The following ELL2 variants were observed in gnomAD, a reference collection of about 807,000 sequenced individuals.
ELL2 encodes RNA polymerase II elongation factor ELL2.
A neutral mutation model predicts 72.8 loss-of-function variants in ELL2; 21 were observed. The ratio of observed to expected loss-of-function variants is 0.29; its 90% CI spans 0.20 to 0.42. ELL2 has a LOEUF of 0.42. ELL2 is among the 10% of genes least tolerant of loss of function. The pLI is 1.00. For missense variants in ELL2, 568 were observed against 772.8 expected, an observed-to-expected ratio of 0.73 and a Z score of 3.14; for synonymous variants, 266 against 283.2, an observed-to-expected ratio of 0.94 and a Z score of 0.61.
intron 4 of ELL2, among the ~76,000 whole-genome samples, chr5:95,908,333 A>G (rs1364329298): frequency 6.6e-6 from 1 of 152,188 alleles, no homozygotes; most frequent in Non-Finnish European, 1.5e-5. Flanking sequence ...TTTTAATGGG[A>G]TATGCTCAAA....
chr5:95,913,760 T>C lies in ELL2; in HGVS notation c.481+11A>G, dbSNP rs373653146. 4 of 1,583,030 alleles carry C rather than the reference T, an allele frequency of 2.5e-6. No homozygotes were observed. Among genetic ancestry groups the C allele is most frequent in the Non-Finnish European group, 3.4e-6 (4 of 1,167,314 alleles). ...TCAATCAGCAAGAGGAAGAAAGATA[T>C]CTATACAAACCTACATATGGTCCAC... On this transcript the variant is annotated intron_variant, in intron 4 of 11. Transcript: ENST00000237853.
In ELL2 at chr5:95,961,668, C is replaced by G; in HGVS notation, c.54G>C (p.Ser18=). The stretch of plus-strand genomic sequence containing the variant: ...TGTTGTCCTGCCCCAGCCGTCCGCA[C>G]GACAGCCCATAGCGCTGCTCCTCCC... ...GLREEQRYGL[S]CGRLGQDNIT... is the part of the protein sequence containing the mutation. Residue 18 remains serine, a synonymous_variant, in exon 1 of 12, where the codon TCG becomes TCC. Coordinates refer to ENST00000237853, the MANE Select transcript of ELL2 (RefSeq NM_012081.6). 6.2e-7 allele frequency: 1 copy of G among 1,609,144 alleles called. No individual in the cohort carries two copies. The highest frequency in any genetic ancestry group is 1.7e-5 in the Admixed American group (1 of 59,764).
At chr5:95,893,195 G>T (rs1209317433) in intron 9 of ELL2, among the ~76,000 whole-genome samples, 5 of 152,086 alleles carry the variant, frequency 3.3e-5, no homozygotes, top group Non-Finnish European at 7.3e-5. Context: ...TGGTTACACT[G>T]GCATTTTTAA....
intron 1 of ELL2, among the ~76,000 whole-genome samples, chr5:95,957,110 C>T (rs1411185042): frequency 6.6e-6 from 1 of 152,180 alleles, no homozygotes; most frequent in Non-Finnish European, 1.5e-5. Flanking sequence ...TGAGCCACCA[C>T]CTTTGAAACT....
At chr5:95,931,973 G>A (rs1750617382) in intron 2 of ELL2, among the ~76,000 whole-genome samples, 2 of 135,228 alleles carry the variant, frequency 1.5e-5, no homozygotes, top group African/African-American at 3.0e-5. Context: ...AAAGTCTGTG[G>A]GGGTGTTTTT....
chr5:95,928,743 T>C (rs2112328751), intron 2 of ELL2, among the ~76,000 whole-genome samples: 1 of 152,354 alleles, frequency 6.6e-6, no homozygotes. Context: ...CATCTAATCA[T>C]TCAGCTGCCA....
intron 7 of ELL2, among the ~76,000 whole-genome samples, 173 bp from the exon 8 acceptor site, chr5:95,898,983 C>T (rs1749013779): frequency 6.7e-6 from 1 of 148,966 alleles, no homozygotes; most frequent in Admixed American, 6.7e-5. Flanking sequence ...ACAAAAAACC[C>T]AAACAAAAAC....
chr5:95,920,668 A>C (rs1244655198), intron 2 of ELL2, among the ~76,000 whole-genome samples: 1 of 151,982 alleles, frequency 6.6e-6, no homozygotes, highest in Non-Finnish European at 1.5e-5. Context: ...AGGTGTGTGC[A>C]ATTGGAATCT....
At chr5:95,936,046 T>C (rs1750761702) in intron 2 of ELL2, among the ~76,000 whole-genome samples, 1 of 152,238 alleles carries the variant, frequency 6.6e-6, no homozygotes, top group Admixed American at 6.5e-5. Context: ...TAGGATTCTT[T>C]TTAAATGAAA....
At chr5:95,948,306 T>C (rs1156626766) in intron 1 of ELL2, among the ~76,000 whole-genome samples, 1 of 151,786 alleles carries the variant, frequency 6.6e-6, no homozygotes, top group Non-Finnish European at 1.5e-5. Context: ...TGTGGGCACC[T>C]GTAATCGCAG....
At chr5:95,946,546 G>C (rs1751166352) in intron 1 of ELL2, among the ~76,000 whole-genome samples, 1 of 152,100 alleles carries the variant, frequency 6.6e-6, no homozygotes, top group African/African-American at 2.4e-5. Context: ...ATATACCACT[G>C]TTGGCCCACA....
At chr5:95,929,587 C>T (rs1428862694) in intron 2 of ELL2, among the ~76,000 whole-genome samples, 1 of 152,000 alleles carries the variant, frequency 6.6e-6, no homozygotes, top group Non-Finnish European at 1.5e-5. Flanking sequence ...ATATTTGAAA[C>T]ACAGTGGAGT....
chr5:95,932,097 G>C (rs1750623078), intron 2 of ELL2, among the ~76,000 whole-genome samples: 1 of 151,790 alleles, frequency 6.6e-6, no homozygotes, highest in African/African-American at 2.4e-5. Flanking sequence ...CTGAGGCAGA[G>C]TCTGGTTTAC....
chr5:95,935,242 C>A (rs1750731395), intron 2 of ELL2, among the ~76,000 whole-genome samples: 2 of 152,134 alleles, frequency 1.3e-5, no homozygotes, highest in South Asian at 4.1e-4. Context: ...CGTATGTATT[C>A]TTCTGCCTGC....
intron 1 of ELL2, among the ~76,000 whole-genome samples, chr5:95,960,156 C>T (rs1751763841): frequency 6.6e-6 from 1 of 152,050 alleles, no homozygotes; most frequent in Non-Finnish European, 1.5e-5. Flanking sequence ...ATCTGTGTCT[C>T]GGTGTCCTTC....
At chr5:95,939,508 T>C (rs930416818) in intron 2 of ELL2, among the ~76,000 whole-genome samples, 2 of 152,244 alleles carry the variant, frequency 1.3e-5, no homozygotes, top group Non-Finnish European at 2.9e-5. Context: ...CTGTTTATAG[T>C]TTATTGCTTA....
intron 1 of ELL2, among the ~76,000 whole-genome samples, chr5:95,953,168 C>T (rs1751482408): frequency 6.6e-6 from 1 of 152,136 alleles, no homozygotes; most frequent in Admixed American, 6.5e-5. Flanking sequence ...TCACATTTGC[C>T]TGCTTCTACT....
rs759018865 is a variant in ELL2 at position 95,919,409 on chromosome 5, T to C, written c.317+15A>G. ...AAAAATTTTTCCCCTTCAGTGTACC[T>C]TGAAAAGTACTTACCTGGAGAATGT... is the stretch of plus-strand genomic sequence containing the variant. On this transcript the variant is annotated intron_variant, in intron 3 of 11. Transcript: ENST00000237853. The C allele has an allele frequency of 1.1e-5, 17 of 1,575,914 alleles. No homozygotes were observed. The highest frequency in any genetic ancestry group is 4.1e-5 in the Admixed American group (2 of 49,094).
At chr5:95,894,189 G>A (rs908645020) in intron 9 of ELL2, among the ~76,000 whole-genome samples, 4 of 152,158 alleles carry the variant, frequency 2.6e-5, no homozygotes, top group Non-Finnish European at 5.9e-5. Flanking sequence ...GCAGTGAGCC[G>A]AGGTCGCACC....
Sources: allele counts gnomAD v4.1 joint callset (sites outside exome capture counted in the v4.1 genomes callset), GRCh38; gene constraint gnomAD v4.1.1; transcripts MANE v1.5; gene names NCBI Gene and HGNC (gene_info 2026-07-23, HGNC 2026-07-21).